Variants in KCNQ1OT1 observed in about 807,000 individuals in gnomAD.
KCNQ1OT1 encodes KCNQ1 antisense RNA 2 (non-protein coding).
chr11:2,612,912 T>G lies in KCNQ1OT1; in HGVS notation n.87083A>C. The G allele has an allele frequency of 2.5e-6, 1 of 398,642 alleles. No homozygotes were observed. The highest frequency in any genetic ancestry group is 4.4e-5 in the Admixed American group (1 of 22,740). 24.7% of individuals were successfully genotyped at this position (398,642 alleles called of 1,614,324 possible). ...TTCTGTTACTCATTTATTTGTTTGC[T>G]CGCTTGTGTATGCCTTCTCTGCATG... is the stretch of plus-strand genomic sequence containing the variant. On this transcript the variant is annotated non_coding_transcript_exon_variant, in exon 1 of 1. Coordinates refer to ENST00000597346, the Ensembl canonical transcript of KCNQ1OT1. This position sits in a 1 kb window ranked among gnomAD's most constrained non-coding sequence, Gnocchi z 5.5.
At position 2,682,825 on chromosome 11, in the gene KCNQ1OT1, C is replaced by G; in HGVS notation, n.17170G>C. ...TGACTTGCAGTGATCCTCCTGGGGC[C>G]TTGTATAGAAGAGACCATCTCAGTT... On this transcript the variant is annotated non_coding_transcript_exon_variant, in exon 1 of 1. Coordinates refer to ENST00000597346, the Ensembl canonical transcript of KCNQ1OT1. This position sits in a 1 kb window ranked among gnomAD's most constrained non-coding sequence, Gnocchi z 5.8. 1 of 398,592 alleles carries G rather than the reference C, an allele frequency of 2.5e-6. No homozygotes were observed. 24.7% of individuals were successfully genotyped at this position (398,592 alleles called of 1,614,324 possible).
chr11:2,650,677 TCTC>T (rs1268476771), exon 1 of KCNQ1OT1: 2 of 398,538 alleles, frequency 5.0e-6, no homozygotes, highest in Non-Finnish European at 8.8e-6. Context: ...TTAAGCCTCT[TCTC>T]TGATTCTGTA....
In KCNQ1OT1 at chr11:2,654,914, G is replaced by C. The variant is rs1233617507; in HGVS notation, n.45081C>G. On this transcript the variant is annotated non_coding_transcript_exon_variant, in exon 1 of 1. Coordinates refer to ENST00000597346, the Ensembl canonical transcript of KCNQ1OT1. This position sits in a 1 kb window ranked among gnomAD's most constrained non-coding sequence, Gnocchi z 6.4. ...ATAAGATGTGCAAGGTCGTGGGCCA[G>C]AGAGCAAGGCACAGATACAGGAGAC... 2 of 398,624 alleles carry C rather than the reference G, an allele frequency of 5.0e-6. No individual in the cohort carries two copies. Among genetic ancestry groups the C allele is most frequent in the African/African-American group, 2.1e-5 (1 of 48,716 alleles). The allele number at this position is 398,624 out of a possible 1,614,324, so 24.7% of individuals were successfully genotyped here.
exon 1 of KCNQ1OT1, chr11:2,609,174 C>T (rs527553589): frequency 2.5e-5 from 10 of 398,124 alleles, no homozygotes; most frequent in African/African-American, 1.8e-4. Context: ...TATAAAATTC[C>T]ATCTTTACAC....
rs1590022073 is a variant in KCNQ1OT1 at position 2,671,912 on chromosome 11, G to A, written n.28083C>T. On this transcript the variant is annotated non_coding_transcript_exon_variant, in exon 1 of 1. Coordinates refer to ENST00000597346, the Ensembl canonical transcript of KCNQ1OT1. The surrounding 1 kb of genome is among the most constrained non-coding windows in gnomAD (Gnocchi z 4.7). The stretch of plus-strand genomic sequence containing the variant: ...ACCAGGCAGCCAGCCTGTGGGCCCC[G>A]CTATGCTTCCTCAGGCAGCTAGTCT... 5 of 398,702 alleles carry A rather than the reference G, an allele frequency of 1.3e-5. No individual in the cohort carries two copies. In the East Asian group the frequency reaches 1.4e-4, roughly 11 times the overall value. 24.7% of individuals were successfully genotyped at this position (398,702 alleles called of 1,614,324 possible). A position where few individuals can be genotyped will look rare whatever the true frequency, so the allele number is the denominator to read the frequency against.
In KCNQ1OT1 at chr11:2,611,827, T is replaced by C. The variant is rs1168204450; in HGVS notation, n.88168A>G. On this transcript the variant is annotated non_coding_transcript_exon_variant, in exon 1 of 1. Transcript: ENST00000597346. This position sits in a 1 kb window ranked among gnomAD's most constrained non-coding sequence, Gnocchi z 5.3. ...CTGCCTTCTGCAGGTTGAATAGATA[T>C]GTTCTAGAGTACCATTCTAATTCCT... 1.5e-5 allele frequency: 6 copies of C among 398,382 alleles called. No individual in the cohort carries two copies. Among genetic ancestry groups the C allele is most frequent in the Admixed American group, 1.3e-4 (3 of 22,718 alleles). The allele number at this position is 398,382 out of a possible 1,614,324, so 24.7% of individuals were successfully genotyped here.
At chr11:2,667,292 G>C in exon 1 of KCNQ1OT1, 1 of 398,616 alleles carries the variant, frequency 2.5e-6, no homozygotes, top group African/African-American at 2.1e-5. Context: ...ATGGGGAGAG[G>C]GCCGCACTGT....
chr11:2,622,388 T>C (rs1849189056), exon 1 of KCNQ1OT1: 2 of 398,388 alleles, frequency 5.0e-6, no homozygotes, highest in Non-Finnish European at 8.9e-6. Flanking sequence ...AGGTTACTAT[T>C]TGTATGAAAT....
exon 1 of KCNQ1OT1, chr11:2,649,485 C>T (rs1590004770): frequency 7.5e-6 from 3 of 398,528 alleles, no homozygotes; most frequent in Non-Finnish European, 1.3e-5. Flanking sequence ...TAATGAATTC[C>T]CTCAGTTTTT....
At chr11:2,637,092 T>C (rs949654185) in exon 1 of KCNQ1OT1, 6 of 152,236 alleles carry the variant, frequency 3.9e-5, no homozygotes, top group African/African-American at 7.2e-5. Flanking sequence ...TTAGTCTTGC[T>C]AGAGGCCTAT....
In KCNQ1OT1 at chr11:2,654,182, G is replaced by A; in HGVS notation, n.45813C>T. Reference sequence around the variant, plus strand: ...CATGGGCAGCTGGCACAGGCTGTGGGGCTGCGGCTCAGCAATGTCACGCAG... The same window carrying A: ...CATGGGCAGCTGGCACAGGCTGTGGAGCTGCGGCTCAGCAATGTCACGCAG... On this transcript the variant is annotated non_coding_transcript_exon_variant, in exon 1 of 1. Coordinates refer to ENST00000597346, the Ensembl canonical transcript of KCNQ1OT1. This position sits in a 1 kb window ranked among gnomAD's most constrained non-coding sequence, Gnocchi z 6.4. 1 of 398,842 alleles carries A rather than the reference G, an allele frequency of 2.5e-6. No individual in the cohort carries two copies. Among genetic ancestry groups the A allele is most frequent in the Admixed American group, 4.4e-5 (1 of 22,752 alleles). The allele number at this position is 398,842 out of a possible 1,614,324, so 24.7% of individuals were successfully genotyped here. A position where few individuals can be genotyped will look rare whatever the true frequency, so the allele number is the denominator to read the frequency against.
At position 2,668,727 on chromosome 11, in the gene KCNQ1OT1, A is replaced by G; in HGVS notation, n.31268T>C. The G allele has an allele frequency of 2.5e-6, 1 of 398,600 alleles. No individual in the cohort carries two copies. 24.7% of individuals were successfully genotyped at this position (398,600 alleles called of 1,614,324 possible). A position where few individuals can be genotyped will look rare whatever the true frequency, so the allele number is the denominator to read the frequency against. ...TCTCTCACAGACACACACATTGCAA[A>G]TATCGCCTCCCCCTCTGCAGGCTGC... is the stretch of plus-strand genomic sequence containing the variant. On this transcript the variant is annotated non_coding_transcript_exon_variant, in exon 1 of 1. Transcript: ENST00000597346. The surrounding 1 kb of genome is among the most constrained non-coding windows in gnomAD (Gnocchi z 4.3).
Position 2,645,880 on chromosome 11 carries a change from TC to T in KCNQ1OT1, n.54114del, listed in dbSNP as rs1346627889. ...AATTGCCTGAGGATTCAGGGTGATC[TC>T]CCTCTCTGGGAGCTGTTCATTGCCA... On this transcript the variant is annotated non_coding_transcript_exon_variant, in exon 1 of 1. Coordinates refer to ENST00000597346, the Ensembl canonical transcript of KCNQ1OT1. The surrounding 1 kb of genome is among the most constrained non-coding windows in gnomAD (Gnocchi z 5.8). The T allele has an allele frequency of 1.0e-5, 4 of 398,504 alleles. No individual in the cohort carries two copies. Among genetic ancestry groups the T allele is most frequent in the African/African-American group, 6.2e-5 (3 of 48,600 alleles). 24.7% of individuals were successfully genotyped at this position (398,504 alleles called of 1,614,324 possible).
chr11:2,691,042 T>C lies in KCNQ1OT1; in HGVS notation n.8953A>G. On this transcript the variant is annotated non_coding_transcript_exon_variant, in exon 1 of 1. Coordinates refer to ENST00000597346, the Ensembl canonical transcript of KCNQ1OT1. This position sits in a 1 kb window ranked among gnomAD's most constrained non-coding sequence, Gnocchi z 6.4. ...AACTCTTGGCTCAGGTATCAGGATA[T>C]GCTGGGTGAGGGAAATAATGGAGGC... 2.5e-6 allele frequency: 1 copy of C among 398,606 alleles called. No individual in the cohort carries two copies. The allele number at this position is 398,606 out of a possible 1,614,324, so 24.7% of individuals were successfully genotyped here.
At position 2,612,136 on chromosome 11, in the gene KCNQ1OT1, T is replaced by A. The variant is rs1190286407; in HGVS notation, n.87859A>T. On this transcript the variant is annotated non_coding_transcript_exon_variant, in exon 1 of 1. Coordinates refer to ENST00000597346, the Ensembl canonical transcript of KCNQ1OT1. The surrounding 1 kb of genome is among the most constrained non-coding windows in gnomAD (Gnocchi z 5.5). ...CCAGGGCCATGGACTGGTACCAGTC[T>A]GTGGCCTATTAGAAACTGGGCTACA... The A allele has an allele frequency of 5.3e-5, 21 of 398,534 alleles. No homozygotes were observed. Among genetic ancestry groups the A allele is most frequent in the Non-Finnish European group, 2.7e-5 (6 of 226,078 alleles). The allele number at this position is 398,534 out of a possible 1,614,324, so 24.7% of individuals were successfully genotyped here.
rs1590021845 is a variant in KCNQ1OT1 at position 2,671,467 on chromosome 11, T to G, written n.28528A>C. 3.0e-5 allele frequency: 12 copies of G among 398,592 alleles called. No individual in the cohort carries two copies. In the East Asian group the frequency reaches 4.3e-4, roughly 14 times the overall value. The allele number at this position is 398,592 out of a possible 1,614,324, so 24.7% of individuals were successfully genotyped here. ...GGCAGAAGAGCAACCCAGCAGGGGA[T>G]ATACACAAAGATCTGAGAAAGGGAT... On this transcript the variant is annotated non_coding_transcript_exon_variant, in exon 1 of 1. Transcript: ENST00000597346. The surrounding 1 kb of genome is among the most constrained non-coding windows in gnomAD (Gnocchi z 4.7).
chr11:2,617,601 A>G lies in KCNQ1OT1; in HGVS notation n.82394T>C, dbSNP rs1448686114. ...CCTAGAAGAGGGATTAGTGGGTCAGATGATAGTATATTTTCAATTTCTTTA... is the reference window on the plus strand; with the variant it reads ...CCTAGAAGAGGGATTAGTGGGTCAGGTGATAGTATATTTTCAATTTCTTTA... On this transcript the variant is annotated non_coding_transcript_exon_variant, in exon 1 of 1. Transcript: ENST00000597346. This position sits in a 1 kb window ranked among gnomAD's most constrained non-coding sequence, Gnocchi z 4.6. 2.5e-6 allele frequency: 1 copy of G among 398,296 alleles called. No homozygotes were observed. Among genetic ancestry groups the G allele is most frequent in the African/African-American group, 2.1e-5 (1 of 48,594 alleles). 24.7% of individuals were successfully genotyped at this position (398,296 alleles called of 1,614,324 possible). A position where few individuals can be genotyped will look rare whatever the true frequency, so the allele number is the denominator to read the frequency against.
chr11:2,647,249 T>C lies in KCNQ1OT1; in HGVS notation n.52746A>G, dbSNP rs1412744777. ...GAGATGATCATGTATTTTTTTGTCCTTCCTTCTGTTAATGTGATGTATCAC... is the reference window on the plus strand; with the variant it reads ...GAGATGATCATGTATTTTTTTGTCCCTCCTTCTGTTAATGTGATGTATCAC... On this transcript the variant is annotated non_coding_transcript_exon_variant, in exon 1 of 1. Coordinates refer to ENST00000597346, the Ensembl canonical transcript of KCNQ1OT1. The surrounding 1 kb of genome is among the most constrained non-coding windows in gnomAD (Gnocchi z 4.0). 5.0e-6 allele frequency: 2 copies of C among 398,418 alleles called. No homozygotes were observed. The highest frequency in any genetic ancestry group is 8.8e-6 in the Non-Finnish European group (2 of 226,052). 24.7% of individuals were successfully genotyped at this position (398,418 alleles called of 1,614,324 possible). A position where few individuals can be genotyped will look rare whatever the true frequency, so the allele number is the denominator to read the frequency against.
exon 1 of KCNQ1OT1, chr11:2,616,994 A>G (rs1040684794): frequency 2.5e-6 from 1 of 397,614 alleles, no homozygotes; most frequent in Non-Finnish European, 4.4e-6. Flanking sequence ...AAATATGCAT[A>G]TTTAGTGTAT....
Sources: allele counts gnomAD v4.1 joint callset, GRCh38; gene constraint gnomAD v4.1.1; non-coding constraint Gnocchi (gnomAD v3.1); transcripts MANE v1.5; gene names NCBI Gene and HGNC (gene_info 2026-07-23, HGNC 2026-07-21).